Variants in OSBPL3 observed in about 807,000 individuals in gnomAD.
OSBPL3 encodes the protein oxysterol-binding protein-related protein 3.
In OSBPL3, 65 loss-of-function variants were observed where a neutral mutation model predicts 120.1. The observed-to-expected ratio is 0.54, with a 90% CI of 0.44 to 0.67. The LOEUF is 0.67. Among genes scored for constraint, OSBPL3 ranks in the 30% least tolerant of loss-of-function variants. OSBPL3 has a pLI of 0.00. For synonymous variants in OSBPL3, 416 were observed against 402.6 expected (o/e 1.03, Z -0.40); for missense variants, 1,004 against 1,082.1 (o/e 0.93, Z 1.01).
intron 1 of OSBPL3, among the ~76,000 whole-genome samples, chr7:24,977,444 T>C (rs1437805448): frequency 6.6e-6 from 1 of 152,202 alleles, no homozygotes; most frequent in Non-Finnish European, 1.5e-5. Flanking sequence ...GTCAGACTAT[T>C]AAAAAATCTA....
At chr7:24,859,396 G>A (rs1227482467) in intron 10 of OSBPL3, among the ~76,000 whole-genome samples, 1 of 151,956 alleles carries the variant, frequency 6.6e-6, no homozygotes, top group Non-Finnish European at 1.5e-5. Flanking sequence ...TAGAACTCCA[G>A]CCTCCATCAC....
chr7:24,853,494 A>G (rs546210243), intron 10 of OSBPL3, among the ~76,000 whole-genome samples: 1 of 152,360 alleles, frequency 6.6e-6, no homozygotes, highest in African/African-American at 2.4e-5. Context: ...AACTGTTCCC[A>G]ATTAAAGGAG....
At position 24,840,723 on chromosome 7, in the gene OSBPL3, T is replaced by C; in HGVS notation, c.1462A>G (p.Ser488Gly). 6.9e-7 allele frequency: 1 copy of C among 1,457,420 alleles called. No individual in the cohort carries two copies. The highest frequency in any genetic ancestry group is 9.4e-7 in the Non-Finnish European group (1 of 1,059,598). The allele number at this position is 1,457,420 out of a possible 1,614,324, so 90.3% of individuals were successfully genotyped here. The change falls in exon 14 of 23, where the codon AGT becomes GGT. Residue 488 changes from serine to glycine, a missense_variant. This residue lies in a region of OSBPL3 where 473 missense variants were observed against 568.0 expected (regional missense o/e 0.83). Coordinates refer to ENST00000313367, the MANE Select transcript of OSBPL3 (RefSeq NM_015550.4). The stretch of plus-strand genomic sequence containing the variant: ...TGTCTCTCATTATCTAAATCATTAC[T>C]GAGATTATCTAAGGAAAGATTATCA... ...ISDNLSLDNL[S>G]NDLDNERQTL...
In OSBPL3 at chr7:24,958,101, T is replaced by C. The variant is rs79883614; in HGVS notation, c.-150+21785A>G. ...AGGTACACTTCTAAAAGGAGAATTGTTGGGTCAAAAAGTATGCACGTTTTC... is the reference window on the plus strand; with the variant it reads ...AGGTACACTTCTAAAAGGAGAATTGCTGGGTCAAAAAGTATGCACGTTTTC... On this transcript the variant is annotated intron_variant, in intron 1 of 22. Coordinates refer to ENST00000313367, the MANE Select transcript of OSBPL3 (RefSeq NM_015550.4). Among the ~76,000 whole-genome samples, 794 of 152,290 alleles carry C rather than the reference T, an allele frequency of 5.2e-3. 9 individuals are homozygous for C. The highest frequency in any genetic ancestry group is 0.018 in the African/African-American group (753 of 41,560).
intron 1 of OSBPL3, among the ~76,000 whole-genome samples, chr7:24,901,068 A>G (rs1438816324): frequency 6.6e-6 from 1 of 150,838 alleles, no homozygotes; most frequent in Non-Finnish European, 1.5e-5. Flanking sequence ...GGTGGCTCAC[A>G]CTTATAATCC....
At chr7:24,897,245 T>C (rs1806279449) in intron 1 of OSBPL3, among the ~76,000 whole-genome samples, 1 of 151,706 alleles carries the variant, frequency 6.6e-6, no homozygotes, top group Non-Finnish European at 1.5e-5. Context: ...CCTGGCTTCC[T>C]GAAAGTGGCA....
At position 24,960,877 on chromosome 7, in the gene OSBPL3, G is replaced by C. The variant is rs762786130; in HGVS notation, c.-150+19009C>G. On this transcript the variant is annotated intron_variant, in intron 1 of 22. Transcript: ENST00000313367. Reference sequence around the variant, plus strand: ...CAAAAAGAAATAAGAAAAAAGATAGGATGCTATCAAGGTTTTAATTACACC... The same window carrying C: ...CAAAAAGAAATAAGAAAAAAGATAGCATGCTATCAAGGTTTTAATTACACC... Among the ~76,000 whole-genome samples the C allele has an allele frequency of 5.9e-4, 90 of 152,266 alleles. 1 individual carries two copies. Among genetic ancestry groups the C allele is most frequent in the Middle Eastern group, 3.4e-3 (1 of 294 alleles).
chr7:24,904,917 A>AGG (rs1488646889), intron 1 of OSBPL3, among the ~76,000 whole-genome samples: 11 of 97,606 alleles, frequency 1.1e-4, no homozygotes, highest in African/African-American at 2.5e-4. Flanking sequence ...CATAATATAC[A>AGG]GGTGTGTGTG....
At chr7:24,884,626 C>T (rs1035935148) in intron 2 of OSBPL3, among the ~76,000 whole-genome samples, 4 of 152,164 alleles carry the variant, frequency 2.6e-5, no homozygotes, top group African/African-American at 9.7e-5. Context: ...CTCCTCTGCT[C>T]ACAAAAGGCG....
chr7:24,806,687 G>T lies in OSBPL3; in HGVS notation c.2444+89C>A. On this transcript the variant is annotated intron_variant, in intron 21 of 22. Coordinates refer to ENST00000313367, the MANE Select transcript of OSBPL3 (RefSeq NM_015550.4). The surrounding 1 kb of genome is among the most constrained non-coding windows in gnomAD (Gnocchi z 5.2). ...CTGATGACATTTTCCACCTTTCTCAGGTGCCTCTGGTGGCCTAAGGATTGT... is the reference window on the plus strand; with the variant it reads ...CTGATGACATTTTCCACCTTTCTCATGTGCCTCTGGTGGCCTAAGGATTGT... The T allele has an allele frequency of 8.4e-7, 1 of 1,187,708 alleles. No homozygotes were observed. The highest frequency in any genetic ancestry group is 2.4e-5 in the East Asian group (1 of 41,342). The allele number at this position is 1,187,708 out of a possible 1,614,324, so 73.6% of individuals were successfully genotyped here. A position where few individuals can be genotyped will look rare whatever the true frequency, so the allele number is the denominator to read the frequency against.
chr7:24,865,422 T>G lies in OSBPL3; in HGVS notation c.593A>C (p.Asn198Thr). ...CTCACCACCACAAGAAAATGATACA[T>G]TGCTTCCAGTTTGAAATAAATTCTG... The part of the protein sequence containing the change: ...SKQNLFQTGS[N>T]VSFSCGGETR... Residue 198 changes from asparagine (N) to threonine (T), a missense_variant, in exon 7 of 23, where the codon AAT becomes ACT. Transcript: ENST00000313367. The G allele has an allele frequency of 6.2e-7, 1 of 1,613,400 alleles. No homozygotes were observed. Among genetic ancestry groups the G allele is most frequent in the Non-Finnish European group, 8.5e-7 (1 of 1,179,318 alleles).
intron 1 of OSBPL3, among the ~76,000 whole-genome samples, chr7:24,944,816 T>C (rs553214120): frequency 6.6e-6 from 1 of 152,352 alleles, no homozygotes; most frequent in Non-Finnish European, 1.5e-5. Flanking sequence ...TATAAGGCCC[T>C]TCTCATTTGC....
At position 24,965,848 on chromosome 7, in the gene OSBPL3, A is replaced by C. The variant is rs1816315442; in HGVS notation, c.-150+14038T>G. ...TTACAGGCATTAGCCACTGCGACGGACTCAACTCAAGTGTTTTACCAGTCC... is the reference window on the plus strand; with the variant it reads ...TTACAGGCATTAGCCACTGCGACGGCCTCAACTCAAGTGTTTTACCAGTCC... On this transcript the variant is annotated intron_variant, in intron 1 of 22. Coordinates refer to ENST00000313367, the MANE Select transcript of OSBPL3 (RefSeq NM_015550.4). The surrounding 1 kb of genome is among the most constrained non-coding windows in gnomAD (Gnocchi z 4.3). Among the ~76,000 whole-genome samples the C allele has an allele frequency of 6.6e-6, 1 of 152,048 alleles. No individual in the cohort carries two copies. The highest frequency in any genetic ancestry group is 2.4e-5 in the African/African-American group (1 of 41,368).
At chr7:24,935,902 C>A (rs769419127) in intron 1 of OSBPL3, among the ~76,000 whole-genome samples, 3 of 151,502 alleles carry the variant, frequency 2.0e-5, no homozygotes, top group Non-Finnish European at 4.4e-5. Context: ...TATTATTATA[C>A]TTTAAGTTTT....
intron 5 of OSBPL3, among the ~76,000 whole-genome samples, chr7:24,870,139 G>A (rs1446103039): frequency 6.6e-6 from 1 of 152,200 alleles, no homozygotes; most frequent in Non-Finnish European, 1.5e-5. Context: ...TCAATGGCTA[G>A]TGAGTAGCCA....
chr7:24,872,315 G>A lies in OSBPL3; in HGVS notation c.97-246C>T, dbSNP rs754342082. On this transcript the variant is annotated intron_variant, in intron 2 of 22. Transcript: ENST00000313367. This position sits in a 1 kb window ranked among gnomAD's most constrained non-coding sequence, Gnocchi z 4.1. Reference sequence around the variant, plus strand: ...TTTTTTAGAAGGGAATGTTTCTTTCGGTGTTTGAACCTTAATAGGCACAGC... The same window carrying A: ...TTTTTTAGAAGGGAATGTTTCTTTCAGTGTTTGAACCTTAATAGGCACAGC... Among the ~76,000 whole-genome samples, 2 of 151,448 alleles carry A rather than the reference G, an allele frequency of 1.3e-5. No homozygotes were observed. Among genetic ancestry groups the A allele is most frequent in the Non-Finnish European group, 1.5e-5 (1 of 67,892 alleles).
rs1034110714 is a variant in OSBPL3 at position 24,899,469 on chromosome 7, A to C, written c.-149-6848T>G. ...AAATTCAGGACTTGACTGTTCTATT[A>C]TTATTACCATCATTATAATCATTAT... On this transcript the variant is annotated intron_variant, in intron 1 of 22. Transcript: ENST00000313367. This position sits in a 1 kb window ranked among gnomAD's most constrained non-coding sequence, Gnocchi z 4.0. 2.2e-4 allele frequency among the ~76,000 whole-genome samples: 34 copies of C among 152,206 alleles called. No individual in the cohort carries two copies. Among genetic ancestry groups the C allele is most frequent in the African/African-American group, 7.7e-4 (32 of 41,448 alleles).
chr7:24,940,164 A>G lies in OSBPL3; in HGVS notation c.-150+39722T>C, dbSNP rs983621168. 6.6e-6 allele frequency among the ~76,000 whole-genome samples: 1 copy of G among 152,322 alleles called. No homozygotes were observed. The highest frequency in any genetic ancestry group is 6.5e-5 in the Admixed American group (1 of 15,304). ...AAAGGTTTGAAATAGCTGCTACAAA[A>G]AAAATGGGAAAGGGTTTGAACTTTG... On this transcript the variant is annotated intron_variant, in intron 1 of 22. Transcript: ENST00000313367. This position sits in a 1 kb window ranked among gnomAD's most constrained non-coding sequence, Gnocchi z 4.4.
At position 24,835,240 on chromosome 7, in the gene OSBPL3, G is replaced by A. The variant is rs544593306; in HGVS notation, c.1496-504C>T. Among the ~76,000 whole-genome samples the A allele has an allele frequency of 2.0e-5, 3 of 151,912 alleles. No individual in the cohort carries two copies. Among genetic ancestry groups the A allele is most frequent in the East Asian group, 1.9e-4 (1 of 5,168 alleles). On this transcript the variant is annotated intron_variant, in intron 14 of 22. Coordinates refer to ENST00000313367, the MANE Select transcript of OSBPL3 (RefSeq NM_015550.4). The surrounding 1 kb of genome is among the most constrained non-coding windows in gnomAD (Gnocchi z 4.8). ...CATTTGTGTTGTTCATACTGTATAC[G>A]TATTTTATATTCTGCTTGTTCAGCT...
Sources: allele counts gnomAD v4.1 joint callset (sites outside exome capture counted in the v4.1 genomes callset), GRCh38; gene constraint gnomAD v4.1.1; regional missense constraint gnomAD v4.1.1; non-coding constraint Gnocchi (gnomAD v3.1); transcripts MANE v1.5; gene names NCBI Gene and HGNC (gene_info 2026-07-23, HGNC 2026-07-21).